The following STK32C variants were observed in gnomAD, a reference collection of about 807,000 sequenced individuals.
The protein encoded by STK32C is serine/threonine-protein kinase 32C.
STK32C carries 31 observed loss-of-function variants against 56.5 expected under a neutral mutation model. The ratio of observed to expected loss-of-function variants is 0.55; its 90% CI spans 0.41 to 0.74. The LOEUF is 0.74. STK32C is among the 30% of genes least tolerant of loss of function. The probability of loss-of-function intolerance (pLI) is 0.00; values close to 1 mark genes in which losing one functional copy is unlikely to be tolerated. For synonymous variants in STK32C, 309 were observed against 289.4 expected, an observed-to-expected ratio of 1.07 and a Z score of -0.69; for missense variants, 544 against 676.9, an observed-to-expected ratio of 0.80 and a Z score of 2.18.
Position 132,209,053 on chromosome 10 carries a change from C to T in STK32C, c.1300G>A (p.Val434Met), listed in dbSNP as rs752765280. 12 of 1,604,796 alleles carry T rather than the reference C, an allele frequency of 7.5e-6. No individual in the cohort carries two copies. Among genetic ancestry groups the T allele is most frequent in the East Asian group, 6.7e-5 (3 of 44,514 alleles). Residue 434 changes from valine (V) to methionine (M), a missense_variant, in exon 11 of 12, where the codon GTG (valine) becomes ATG (methionine). Coordinates refer to ENST00000298630, the MANE Select transcript of STK32C (RefSeq NM_173575.4). ...ACTCACTTTTCTCTGTTAAAAATCA[C>T]GAAGTCTTGCTGGATGGCATCGAGG... ...DCLDAIQQDF[V>M]IFNREKLKRS... is the part of the protein sequence containing the mutation.
Position 132,287,957 on chromosome 10 carries a change from T to C in STK32C, c.262+19615A>G, listed in dbSNP as rs190460928. Among the ~76,000 whole-genome samples, 8 of 152,120 alleles carry C rather than the reference T, an allele frequency of 5.3e-5. No homozygotes were observed. In the East Asian group the frequency reaches 1.5e-3, roughly 29 times the overall value. On this transcript the variant is annotated intron_variant, in intron 1 of 11. Transcript: ENST00000298630. The stretch of plus-strand genomic sequence containing the variant: ...ACTGGGGTTTTGCTTCCAAGACTTA[T>C]AAAGCTACAGTAATAAATAGTGTTG...
intron 10 of STK32C, among the ~76,000 whole-genome samples, chr10:132,214,687 T>C (rs896478365): frequency 2.0e-5 from 3 of 152,218 alleles, no homozygotes; most frequent in African/African-American, 4.8e-5. Flanking sequence ...TGAGCAATTA[T>C]AGCATACAGA....
chr10:132,327,083 C>T (rs2066514290), intron 1 of STK32C, among the ~76,000 whole-genome samples: 1 of 152,324 alleles, frequency 6.6e-6, no homozygotes. Flanking sequence ...TACGGTTTGG[C>T]TGTGTCTCCA....
intron 1 of STK32C, among the ~76,000 whole-genome samples, chr10:132,274,654 T>C (rs1037694558): frequency 6.6e-6 from 1 of 152,142 alleles, no homozygotes; most frequent in African/African-American, 2.4e-5. Flanking sequence ...CAGGCTGCAC[T>C]GGTCCCTCAG....
chr10:132,280,851 ACT>A (rs1477404693), intron 1 of STK32C, among the ~76,000 whole-genome samples: 1 of 111,472 alleles, frequency 9.0e-6, no homozygotes, highest in Non-Finnish European at 1.8e-5. Flanking sequence ...CCGTGATCAC[ACT>A]GAGGCCTCCA....
At chr10:132,226,760 T>A (rs1190253186) in intron 4 of STK32C, 35 bp downstream of exon 4, 1 of 1,601,598 alleles carries the variant, frequency 6.2e-7, no homozygotes, top group Non-Finnish European at 8.5e-7. Context: ...CCCGCCCACC[T>A]CAGCAGGTAC....
chr10:132,233,002 G>A (rs760384797), intron 2 of STK32C, among the ~76,000 whole-genome samples: 1 of 152,170 alleles, frequency 6.6e-6, no homozygotes, highest in Non-Finnish European at 1.5e-5. Context: ...AAGTACCTAA[G>A]GCCTCTAAAC....
chr10:132,222,797 C>A, intron 9 of STK32C, 25 bp from the exon 10 acceptor site: 1 of 1,593,170 alleles, frequency 6.3e-7, no homozygotes. Context: ...GTGCTGAGCC[C>A]CGGCCCGTGG....
chr10:132,286,149 ACAACTTCATG>A (rs1344207449), intron 1 of STK32C, among the ~76,000 whole-genome samples: 1 of 152,118 alleles, frequency 6.6e-6, no homozygotes, highest in Non-Finnish European at 1.5e-5. Flanking sequence ...GGAAAATAAT[ACAACTTCATG>A]CAACAAACTC....
At chr10:132,295,643 C>T (rs928395253) in intron 1 of STK32C, among the ~76,000 whole-genome samples, 2 of 152,030 alleles carry the variant, frequency 1.3e-5, no homozygotes, top group Non-Finnish European at 2.9e-5. Context: ...CCCAGCACTT[C>T]GGGGGGCCGA....
intron 1 of STK32C, chr10:132,324,461 A>G (rs1157172774): frequency 8.9e-6 from 6 of 677,106 alleles, no homozygotes; most frequent in Non-Finnish European, 1.6e-5. Flanking sequence ...ACATTGTATG[A>G]TGATTGGTTT....
At chr10:132,214,889 G>A (rs1437199378) in intron 10 of STK32C, among the ~76,000 whole-genome samples, 1 of 152,166 alleles carries the variant, frequency 6.6e-6, no homozygotes, top group Non-Finnish European at 1.5e-5. Context: ...CAGGCCAGGA[G>A]AGGAGATAAA....
intron 8 of STK32C, 108 bp downstream of exon 8, chr10:132,224,299 C>G (rs1353217499): frequency 3.7e-6 from 3 of 800,534 alleles, no homozygotes; most frequent in African/African-American, 1.7e-5. Flanking sequence ...CTGTGCCTGC[C>G]AGGAAGCGGC....
At chr10:132,265,331 C>T (rs984889556) in intron 1 of STK32C, among the ~76,000 whole-genome samples, 3 of 152,198 alleles carry the variant, frequency 2.0e-5, no homozygotes, top group Admixed American at 2.0e-4. Context: ...CGATGACAGC[C>T]CCTGCTCCTC....
At chr10:132,265,855 G>A (rs1423647432) in intron 1 of STK32C, among the ~76,000 whole-genome samples, 3 of 152,186 alleles carry the variant, frequency 2.0e-5, no homozygotes, top group Non-Finnish European at 4.4e-5. Flanking sequence ...GGACAGCAGC[G>A]AGGCCTGGCA....
At chr10:132,302,699 G>A (rs1046148956) in intron 1 of STK32C, among the ~76,000 whole-genome samples, 8 of 152,104 alleles carry the variant, frequency 5.3e-5, no homozygotes, top group Admixed American at 1.3e-4. Context: ...TCCAAAATGC[G>A]AGTCCACACC....
intron 10 of STK32C, among the ~76,000 whole-genome samples, chr10:132,212,480 G>C (rs1432657720): frequency 6.6e-6 from 1 of 152,238 alleles, no homozygotes; most frequent in African/African-American, 2.4e-5. Flanking sequence ...AGAAGAAAGT[G>C]TGGGAGTAAA....
rs1255672738 is a variant in STK32C, at chr10:132,255,765, C to T, written c.263-9810G>A. Reference sequence around the variant, plus strand: ...GGGTGCCGGCCTCTGACCCTGGACTCCTCAGTCCAGAGGGGGCCTGGAGCC... The same window carrying T: ...GGGTGCCGGCCTCTGACCCTGGACTTCTCAGTCCAGAGGGGGCCTGGAGCC... On this transcript the variant is annotated intron_variant, in intron 1 of 11. Coordinates refer to ENST00000298630, the MANE Select transcript of STK32C (RefSeq NM_173575.4). This position sits in a 1 kb window ranked among gnomAD's most constrained non-coding sequence, Gnocchi z 4.6. Among the ~76,000 whole-genome samples, 2 of 152,190 alleles carry T rather than the reference C, an allele frequency of 1.3e-5. No homozygotes were observed. The highest frequency in any genetic ancestry group is 1.5e-5 in the Non-Finnish European group (1 of 68,026).
At chr10:132,234,460 G>C (rs2063206508) in intron 2 of STK32C, among the ~76,000 whole-genome samples, 1 of 152,216 alleles carries the variant, frequency 6.6e-6, no homozygotes, top group South Asian at 2.1e-4. Context: ...CCTGCTGCTA[G>C]GTGAGGTCTC....
Sources: allele counts gnomAD v4.1 joint callset (sites outside exome capture counted in the v4.1 genomes callset), GRCh38; gene constraint gnomAD v4.1.1; non-coding constraint Gnocchi (gnomAD v3.1); transcripts MANE v1.5; gene names NCBI Gene and HGNC (gene_info 2026-07-23, HGNC 2026-07-21).